The following OSBPL3 variants were observed in gnomAD, a reference collection of about 807,000 sequenced individuals.
The protein encoded by OSBPL3 is oxysterol-binding protein-related protein 3.
In OSBPL3, 65 loss-of-function variants were observed where a neutral mutation model predicts 120.1. The observed-to-expected ratio is 0.54, with a 90% CI of 0.44 to 0.67. OSBPL3 has a LOEUF of 0.67. Ranked by LOEUF, OSBPL3 falls within the 30% of genes least tolerant of loss-of-function variation. OSBPL3 has a pLI of 0.00. For synonymous variants in OSBPL3, 416 were observed against 402.6 expected (o/e 1.03, Z -0.40); for missense variants, 1,004 against 1,082.1 (o/e 0.93, Z 1.01).
At chr7:24,832,082 T>C (rs977794856) in intron 15 of OSBPL3, among the ~76,000 whole-genome samples, 5 of 150,442 alleles carry the variant, frequency 3.3e-5, no homozygotes, top group African/African-American at 7.4e-5. Flanking sequence ...TGGCACATGC[T>C]TGTGGTCCCA....
In OSBPL3 at chr7:24,939,039, T is replaced by C. The variant is rs1019627394; in HGVS notation, c.-150+40847A>G. 1.3e-5 allele frequency among the ~76,000 whole-genome samples: 2 copies of C among 151,950 alleles called. No individual in the cohort carries two copies. The highest frequency in any genetic ancestry group is 6.6e-5 in the Admixed American group (1 of 15,258). On this transcript the variant is annotated intron_variant, in intron 1 of 22. Coordinates refer to ENST00000313367, the MANE Select transcript of OSBPL3 (RefSeq NM_015550.4). This position sits in a 1 kb window ranked among gnomAD's most constrained non-coding sequence, Gnocchi z 4.2. ...TTAAAGAATTTTTAGCACAGAGATA[T>C]TGGATGAAATCATAGGAACAGTTAA... is the stretch of plus-strand genomic sequence containing the variant.
chr7:24,960,240 T>G lies in OSBPL3; in HGVS notation c.-150+19646A>C, dbSNP rs924851640. On this transcript the variant is annotated intron_variant, in intron 1 of 22. Coordinates refer to ENST00000313367, the MANE Select transcript of OSBPL3 (RefSeq NM_015550.4). ...CTGAATAGAGGGAAACTAAGAGAAA[T>G]GAAACACAGATCCTTCCACCTCATT... 1.3e-5 allele frequency among the ~76,000 whole-genome samples: 2 copies of G among 151,940 alleles called. 1 individual carries two copies. The highest frequency in any genetic ancestry group is 1.3e-4 in the Admixed American group (2 of 15,264).
Position 24,932,450 on chromosome 7 carries a change from T to G in OSBPL3, c.-149-39829A>C, listed in dbSNP as rs1258556525. Among the ~76,000 whole-genome samples the G allele has an allele frequency of 1.3e-5, 2 of 152,062 alleles. No individual in the cohort carries two copies. Among genetic ancestry groups the G allele is most frequent in the Admixed American group, 6.5e-5 (1 of 15,274 alleles). On this transcript the variant is annotated intron_variant, in intron 1 of 22. Coordinates refer to ENST00000313367, the MANE Select transcript of OSBPL3 (RefSeq NM_015550.4). This position sits in a 1 kb window ranked among gnomAD's most constrained non-coding sequence, Gnocchi z 5.6. The stretch of plus-strand genomic sequence containing the variant: ...GGGTGCTCTGGTGAGAATGTTGATG[T>G]CCCCCTGAAATTCATACATTAAAAC...
Position 24,834,312 on chromosome 7 carries a change from G to T in OSBPL3, c.1746+174C>A. Reference sequence around the variant, plus strand: ...CCCCGTCTCCAAATCCTCACAAGGTGACTGGAAACAGCCAGGCGGAGGAAG... The same window carrying T: ...CCCCGTCTCCAAATCCTCACAAGGTTACTGGAAACAGCCAGGCGGAGGAAG... On this transcript the variant is annotated intron_variant, in intron 15 of 22. Coordinates refer to ENST00000313367, the MANE Select transcript of OSBPL3 (RefSeq NM_015550.4). The surrounding 1 kb of genome is among the most constrained non-coding windows in gnomAD (Gnocchi z 5.2). 6.9e-7 allele frequency: 1 copy of T among 1,455,078 alleles called. No homozygotes were observed. Among genetic ancestry groups the T allele is most frequent in the South Asian group, 1.5e-5 (1 of 65,014 alleles). 90.1% of individuals were successfully genotyped at this position (1,455,078 alleles called of 1,614,324 possible). A position where few individuals can be genotyped will look rare whatever the true frequency, so the allele number is the denominator to read the frequency against.
chr7:24,842,363 T>C lies in OSBPL3; in HGVS notation c.1317A>G (p.Glu439=). The C allele has an allele frequency of 6.2e-7, 1 of 1,613,064 alleles. No homozygotes were observed. The highest frequency in any genetic ancestry group is 1.7e-5 in the Admixed American group (1 of 59,910). Reference sequence around the variant, plus strand: ...GGGAGTCAGTGATGGAGAGTCTACTTTCATTAGAAAGCTGATGAACTAGAG... The same window carrying C: ...GGGAGTCAGTGATGGAGAGTCTACTCTCATTAGAAAGCTGATGAACTAGAG... ...NRALVHQLSN[E]SRLSITDSLS... is the part of the protein sequence containing the mutation. Residue 439 remains glutamate (E), a synonymous_variant, in exon 13 of 23, where the codon GAA becomes GAG. Transcript: ENST00000313367.
intron 5 of OSBPL3, among the ~76,000 whole-genome samples, chr7:24,869,992 T>C (rs966322285): frequency 7.9e-5 from 12 of 152,254 alleles, no homozygotes; most frequent in East Asian, 5.8e-4. Context: ...ATACAATAAC[T>C]AAACTTCCTG....
Position 24,894,716 on chromosome 7 carries a change from G to C in OSBPL3, c.-149-2095C>G, listed in dbSNP as rs796779286. ...TTAAACGAGAGTCTACAAGAGTCTG[G>C]GATGAGAGGGGTGTGTGTGCAATGT... On this transcript the variant is annotated intron_variant, in intron 1 of 22. Transcript: ENST00000313367. The surrounding 1 kb of genome is among the most constrained non-coding windows in gnomAD (Gnocchi z 4.1). 1.3e-4 allele frequency among the ~76,000 whole-genome samples: 20 copies of C among 152,292 alleles called. No homozygotes were observed. Among genetic ancestry groups the C allele is most frequent in the African/African-American group, 4.8e-4 (20 of 41,552 alleles).
chr7:24,810,067 A>G (rs1279273769), intron 19 of OSBPL3, 116 bp from the exon 20 acceptor site: 24 of 1,090,844 alleles, frequency 2.2e-5, no homozygotes, highest in African/African-American at 4.7e-5. Flanking sequence ...CATACTGCAT[A>G]TTAGTTTGCT....
In OSBPL3 at chr7:24,912,419, T is replaced by C. The variant is rs1012211422; in HGVS notation, c.-149-19798A>G. Among the ~76,000 whole-genome samples the C allele has an allele frequency of 4.6e-5, 7 of 152,232 alleles. No homozygotes were observed. The highest frequency in any genetic ancestry group is 2.1e-4 in the South Asian group (1 of 4,830). ...GATCTTCCTTGCATATTCCCCTATG[T>C]TGCAGATTCACTGCAGACATCCATT... is the stretch of plus-strand genomic sequence containing the variant. On this transcript the variant is annotated intron_variant, in intron 1 of 22. Coordinates refer to ENST00000313367, the MANE Select transcript of OSBPL3 (RefSeq NM_015550.4). This position sits in a 1 kb window ranked among gnomAD's most constrained non-coding sequence, Gnocchi z 4.5.
chr7:24,890,392 A>C (rs1805167592), intron 2 of OSBPL3, among the ~76,000 whole-genome samples: 1 of 152,170 alleles, frequency 6.6e-6, no homozygotes, highest in Admixed American at 6.5e-5. Context: ...CTGTGCCCTA[A>C]GTGAGGAAAG....
chr7:24,887,552 G>A (rs1442527319), intron 2 of OSBPL3, among the ~76,000 whole-genome samples: 1 of 152,190 alleles, frequency 6.6e-6, no homozygotes, highest in African/African-American at 2.4e-5. Context: ...GCATTCCACA[G>A]GAAAAAGCAG....
chr7:24,859,319 ATT>A (rs1167405990), intron 10 of OSBPL3, among the ~76,000 whole-genome samples: 1 of 152,046 alleles, frequency 6.6e-6, no homozygotes, highest in African/African-American at 2.4e-5. Flanking sequence ...TTTTAAATCC[ATT>A]TTCTCTTTAA....
At chr7:24,864,355 T>G (rs1471705737) in intron 7 of OSBPL3, among the ~76,000 whole-genome samples, 2 of 152,182 alleles carry the variant, frequency 1.3e-5, no homozygotes, top group Non-Finnish European at 2.9e-5. Context: ...AAACCACAGC[T>G]CGTTGGGCTC....
At chr7:24,917,411 T>TATTTGTAAC (rs1809768709) in intron 1 of OSBPL3, among the ~76,000 whole-genome samples, 6 of 137,600 alleles carry the variant, frequency 4.4e-5, no homozygotes, top group African/African-American at 1.4e-4. Flanking sequence ...CATATATATA[T>TATTTGTAAC]ATATATATAT....
intron 2 of OSBPL3, among the ~76,000 whole-genome samples, chr7:24,886,325 T>C (rs1804525615): frequency 6.6e-6 from 1 of 152,234 alleles, no homozygotes; most frequent in Admixed American, 6.5e-5. Context: ...AGCTGCGTCT[T>C]TACTTTTGTT....
At chr7:24,826,533 CAG>C (rs1228152812) in intron 16 of OSBPL3, among the ~76,000 whole-genome samples, 1 of 152,090 alleles carries the variant, frequency 6.6e-6, no homozygotes, top group Non-Finnish European at 1.5e-5. Flanking sequence ...AGAGACCCCA[CAG>C]AGAGTAAGGG....
rs1204899641 is a variant in OSBPL3, at chr7:24,883,666, G to C, written c.96+8711C>G. On this transcript the variant is annotated intron_variant, in intron 2 of 22. Coordinates refer to ENST00000313367, the MANE Select transcript of OSBPL3 (RefSeq NM_015550.4). This position sits in a 1 kb window ranked among gnomAD's most constrained non-coding sequence, Gnocchi z 5.4. ...CTGTGATTATTATTCCAGGATTGCA[G>C]AACAATACAGACAGTTCAGCAACTT... 6.6e-6 allele frequency among the ~76,000 whole-genome samples: 1 copy of C among 152,162 alleles called. No homozygotes were observed. Among genetic ancestry groups the C allele is most frequent in the Non-Finnish European group, 1.5e-5 (1 of 68,026 alleles).
intron 1 of OSBPL3, among the ~76,000 whole-genome samples, chr7:24,977,452 C>G (rs1584780941): frequency 6.6e-6 from 1 of 152,244 alleles, no homozygotes; most frequent in East Asian, 1.9e-4. Flanking sequence ...ATTAAAAAAT[C>G]TAGCTCAGCA....
chr7:24,883,623 C>G lies in OSBPL3; in HGVS notation c.96+8754G>C, dbSNP rs1804041141. ...TTTCATCAAAGTAATATTTCTAAATCTCACCCAAATATATTTGCTGTGATT... is the reference window on the plus strand; with the variant it reads ...TTTCATCAAAGTAATATTTCTAAATGTCACCCAAATATATTTGCTGTGATT... On this transcript the variant is annotated intron_variant, in intron 2 of 22. Transcript: ENST00000313367. This position sits in a 1 kb window ranked among gnomAD's most constrained non-coding sequence, Gnocchi z 5.4. Among the ~76,000 whole-genome samples the G allele has an allele frequency of 6.6e-6, 1 of 152,114 alleles. No homozygotes were observed. The highest frequency in any genetic ancestry group is 1.9e-4 in the East Asian group (1 of 5,192).
Sources: allele counts gnomAD v4.1 joint callset (sites outside exome capture counted in the v4.1 genomes callset), GRCh38; gene constraint gnomAD v4.1.1; non-coding constraint Gnocchi (gnomAD v3.1); transcripts MANE v1.5; gene names NCBI Gene and HGNC (gene_info 2026-07-23, HGNC 2026-07-21).